OSBPL9: variants seen among roughly 807,000 people sequenced by gnomAD.
OSBPL9 encodes oxysterol-binding protein-related protein 9.
In OSBPL9, 40 loss-of-function variants were observed where a neutral mutation model predicts 106.6. The observed-to-expected ratio is 0.38, with a 90% CI of 0.29 to 0.49. The LOEUF (loss-of-function observed/expected upper bound fraction) is 0.49, where lower values mean the gene tolerates loss of function less well. Ranked by LOEUF, OSBPL9 falls within the 20% of genes least tolerant of loss-of-function variation. The pLI is 0.97. For synonymous variants in OSBPL9, 269 were observed against 295.4 expected (o/e 0.91, Z 0.92); for missense variants, 609 against 887.2 (o/e 0.69, Z 3.98).
At chr1:51,786,244 C>T (rs530499376) in intron 21 of OSBPL9, 106 of 447,276 alleles carry the variant, frequency 2.4e-4, no homozygotes, top group African/African-American at 1.7e-3. Flanking sequence ...TGTTTCCATA[C>T]ACACACAGTT....
the OSBPL9 span, chr1:51,519,417 G>C: frequency 4.5e-5 from 7 of 156,240 alleles, no homozygotes; most frequent in Non-Finnish European, 8.6e-5. Flanking sequence ...CCCGCCCGCC[G>C]GAGCCGGCCG....
chr1:51,581,994 C>T (rs1033424042), intron 1 of OSBPL9, among the ~76,000 whole-genome samples: 3 of 152,146 alleles, frequency 2.0e-5, no homozygotes, highest in African/African-American at 4.8e-5. Flanking sequence ...TCTAAGGAGG[C>T]CTAGTTCCTT....
chr1:51,623,400 A>G (rs1644566090), intron 1 of OSBPL9, among the ~76,000 whole-genome samples: 1 of 152,224 alleles, frequency 6.6e-6, no homozygotes, highest in Admixed American at 6.5e-5. Context: ...GATTTAGGAC[A>G]ATGACAGTGG....
upstream of OSBPL9, among the ~76,000 whole-genome samples, chr1:51,612,939 A>C (rs985000327): frequency 4.6e-5 from 7 of 152,248 alleles, no homozygotes; most frequent in African/African-American, 1.7e-4. Flanking sequence ...GCAAGCCACT[A>C]AATAACTCTG....
intron 1 of OSBPL9, among the ~76,000 whole-genome samples, chr1:51,590,641 A>G (rs950763183): frequency 6.6e-6 from 1 of 151,722 alleles, no homozygotes; most frequent in African/African-American, 2.4e-5. Flanking sequence ...AAAAAGAAAA[A>G]AAAGAAAAAA....
At chr1:51,636,805 A>T (rs1444966300) in intron 1 of OSBPL9, among the ~76,000 whole-genome samples, 1 of 152,064 alleles carries the variant, frequency 6.6e-6, no homozygotes, top group East Asian at 1.9e-4. Context: ...TAAATAAATA[A>T]ATAAATAAAT....
rs1678097840 is a variant in OSBPL9, at chr1:51,787,894, A to G, written c.*105A>G. 9.7e-7 allele frequency: 1 copy of G among 1,025,806 alleles called. No individual in the cohort carries two copies. The highest frequency in any genetic ancestry group is 1.5e-6 in the Non-Finnish European group (1 of 666,504). The allele number at this position is 1,025,806 out of a possible 1,614,324, so 63.5% of individuals were successfully genotyped here. On this transcript the variant is annotated 3_prime_UTR_variant, in exon 24 of 24. Transcript: ENST00000428468. The stretch of plus-strand genomic sequence containing the variant: ...ACCTGTTCATTCCAATCTTCTAATT[A>G]CAGTGGTTCCTATCTCAGGGATACT...
rs55894226 is a variant in OSBPL9 at position 51,704,435 on chromosome 1, T to G, written c.242-9568T>G. On this transcript the variant is annotated intron_variant, in intron 3 of 23. Transcript: ENST00000428468. ...TTTCTAGTTTATTTGCGTAGAGGTGTTTATAGTATTCTCTGATGGTAGTTT... is the reference window on the plus strand; with the variant it reads ...TTTCTAGTTTATTTGCGTAGAGGTGGTTATAGTATTCTCTGATGGTAGTTT... Among the ~76,000 whole-genome samples the G allele has an allele frequency of 9.2e-3, 1,400 of 152,328 alleles. 26 individuals are homozygous for G. The highest frequency in any genetic ancestry group is 0.03 in the African/African-American group (1,233 of 41,564).
chr1:51,778,334 C>G (rs1330271163), intron 15 of OSBPL9, among the ~76,000 whole-genome samples: 1 of 152,030 alleles, frequency 6.6e-6, no homozygotes, highest in Admixed American at 6.6e-5. Flanking sequence ...CAACAGTTAC[C>G]ACTCCATTTA....
In OSBPL9 at chr1:51,584,622, A is replaced by G. The variant is rs190930541; in HGVS notation, c.-423+7366A>G. ...TCCCAGCTACTCAGGAGGCTGAAGC[A>G]GGAGAATCGCTTGAACCTGTGAGGC... On this transcript the variant is annotated intron_variant, in intron 1 of 25. Coordinates refer to the OSBPL9 transcript ENST00000371714. Among the ~76,000 whole-genome samples the G allele has an allele frequency of 4.6e-5, 7 of 152,302 alleles. No homozygotes were observed. The South Asian group carries it at 6.2e-4, about 14-fold the overall frequency.
chr1:51,776,960 TA>T (rs547987980), intron 15 of OSBPL9, 42 bp downstream of exon 15: 29 of 1,437,526 alleles, frequency 2.0e-5, no homozygotes, highest in Non-Finnish European at 1.9e-5. Context: ...TTACAGATGT[TA>T]CTCAGCAGCT....
At chr1:51,612,123 T>C (rs1438014895), upstream of OSBPL9, among the ~76,000 whole-genome samples, 1 of 152,258 alleles carries the variant, frequency 6.6e-6, no homozygotes, top group East Asian at 1.9e-4. Flanking sequence ...TTTAAAATCT[T>C]ATCTCCAAAA....
intron 4 of OSBPL9, among the ~76,000 whole-genome samples, chr1:51,716,775 A>G (rs936238751): frequency 3.3e-5 from 5 of 152,184 alleles, no homozygotes; most frequent in African/African-American, 1.2e-4. Flanking sequence ...CTGTCTTCCA[A>G]AGGGGTATAG....
the OSBPL9 span, among the ~76,000 whole-genome samples, chr1:51,558,096 C>T: frequency 1.9e-4 from 29 of 152,210 alleles, 1 homozygote; most frequent in South Asian, 1.2e-3. Context: ...CTGGCTAACA[C>T]GGTGAAACCC....
chr1:51,558,461 G>A, the OSBPL9 span, among the ~76,000 whole-genome samples: 11 of 152,098 alleles, frequency 7.2e-5, no homozygotes, highest in African/African-American at 2.7e-4. Flanking sequence ...ACCTAAGATT[G>A]GTATTTGAGG....
At chr1:51,586,691 G>A (rs1645249564) in intron 1 of OSBPL9, among the ~76,000 whole-genome samples, 1 of 152,192 alleles carries the variant, frequency 6.6e-6, no homozygotes, top group African/African-American at 2.4e-5. Flanking sequence ...CAGGCCCCAG[G>A]TGCGGGTCAC....
At chr1:51,736,767 G>A (rs1325554182) in intron 4 of OSBPL9, among the ~76,000 whole-genome samples, 2 of 152,086 alleles carry the variant, frequency 1.3e-5, no homozygotes, top group East Asian at 3.8e-4. Context: ...TCTGAGGTTG[G>A]GGAATGGAAG....
chr1:51,699,907 T>C (rs2148850197), intron 3 of OSBPL9, among the ~76,000 whole-genome samples: 1 of 152,372 alleles, frequency 6.6e-6, no homozygotes, highest in Middle Eastern at 3.4e-3. Context: ...TATGTATTTA[T>C]CTACATGTAT....
At chr1:51,719,758 T>G (rs1235513637) in intron 4 of OSBPL9, among the ~76,000 whole-genome samples, 1 of 152,192 alleles carries the variant, frequency 6.6e-6, no homozygotes, top group Non-Finnish European at 1.5e-5. Flanking sequence ...GTGTAAATTT[T>G]TTAGGTTTAA....
Sources: gnomAD v4.1 joint callset for allele counts (sites outside exome capture counted in the v4.1 genomes callset) on GRCh38, gnomAD v4.1.1 for gene constraint, MANE v1.5 for transcripts, NCBI Gene and HGNC (gene_info 2026-07-23, HGNC 2026-07-21) for gene names.